The following EPB41L4B variants were observed in gnomAD, a reference collection of about 807,000 sequenced individuals.
The protein encoded by EPB41L4B is erythrocyte membrane protein band 4.1 like 4B, also known as band 4.1-like protein 4B.
A neutral mutation model predicts 112.5 loss-of-function variants in EPB41L4B; 30 were observed. That is an observed-to-expected ratio of 0.27 (90% CI 0.20 to 0.36). The LOEUF (loss-of-function observed/expected upper bound fraction) is 0.36. Ranked by LOEUF, EPB41L4B falls within the 10% of genes least tolerant of loss-of-function variation. The pLI, the probability that EPB41L4B is intolerant of heterozygous loss-of-function variation, is 1.00. For missense variants in EPB41L4B, 1,024 were observed against 1,133.3 expected (o/e 0.90, Z 1.38); for synonymous variants, 408 against 439.7 (o/e 0.93, Z 0.90).
intron 25 of EPB41L4B, among the ~76,000 whole-genome samples, chr9:109,175,809 C>T (rs1831804509): frequency 6.6e-6 from 1 of 152,206 alleles, no homozygotes; most frequent in Non-Finnish European, 1.5e-5. Context: ...TATTGTCATT[C>T]ACTCTGCTCT....
chr9:109,179,432 G>T (rs1445963189), intron 24 of EPB41L4B, among the ~76,000 whole-genome samples: 3 of 152,204 alleles, frequency 2.0e-5, no homozygotes, highest in East Asian at 3.8e-4. Context: ...ACACACAGGG[G>T]TGAGAAAATT....
intron 1 of EPB41L4B, among the ~76,000 whole-genome samples, chr9:109,317,631 G>C (rs901181537): frequency 6.6e-6 from 1 of 152,256 alleles, no homozygotes; most frequent in South Asian, 2.1e-4. Context: ...TTAGGAGGTT[G>C]AGCAAAGGAA....
At chr9:109,181,740 T>G (rs1317015184) in intron 24 of EPB41L4B, among the ~76,000 whole-genome samples, 1 of 152,156 alleles carries the variant, frequency 6.6e-6, no homozygotes, top group Non-Finnish European at 1.5e-5. Context: ...CACACCATTA[T>G]CAAGATCCAA....
chr9:109,213,634 G>A, intron 17 of EPB41L4B, 66 bp downstream of exon 17: 2 of 1,325,444 alleles, frequency 1.5e-6, no homozygotes, highest in South Asian at 1.2e-5. Context: ...GCAGGCTAGG[G>A]TAGTAATCAG....
chr9:109,221,828 A>G (rs1421537582), intron 15 of EPB41L4B, among the ~76,000 whole-genome samples: 1 of 152,172 alleles, frequency 6.6e-6, no homozygotes, highest in Non-Finnish European at 1.5e-5. Flanking sequence ...CTGGAGGTGG[A>G]GTTGGAAAGC....
intron 5 of EPB41L4B, among the ~76,000 whole-genome samples, chr9:109,264,728 GGA>G (rs1270164753): frequency 6.6e-6 from 1 of 152,146 alleles, no homozygotes; most frequent in East Asian, 1.9e-4. Flanking sequence ...ATGTGATCAG[GGA>G]GAGAGTTATT....
chr9:109,236,872 G>C (rs1207354045), intron 15 of EPB41L4B, among the ~76,000 whole-genome samples: 2 of 152,182 alleles, frequency 1.3e-5, no homozygotes, highest in East Asian at 1.9e-4. Context: ...TGTAGCAAGA[G>C]AGTGGAAGCA....
intron 15 of EPB41L4B, among the ~76,000 whole-genome samples, chr9:109,230,832 A>C (rs1833929028): frequency 6.6e-6 from 1 of 152,172 alleles, no homozygotes; most frequent in African/African-American, 2.4e-5. Context: ...ACTAGTGAGA[A>C]GGTTGACTCT....
At chr9:109,255,421 C>CA in intron 11 of EPB41L4B, 90 bp downstream of exon 11, 1 of 1,487,402 alleles carries the variant, frequency 6.7e-7, no homozygotes. Context: ...TTTCTGGACT[C>CA]AAATCCACTA....
chr9:109,253,621 C>T (rs1220771902), intron 11 of EPB41L4B, 71 bp from the exon 12 acceptor site: 6 of 1,002,804 alleles, frequency 6.0e-6, no homozygotes, highest in Non-Finnish European at 7.9e-6. Flanking sequence ...TTTGAAAGTG[C>T]ACTTTTATTT....
rs374280583 is a variant in EPB41L4B at position 109,314,500 on chromosome 9, CG to C, written c.306+5640del. On this transcript the variant is annotated intron_variant, in intron 1 of 25. Coordinates refer to ENST00000374566, the MANE Select transcript of EPB41L4B (RefSeq NM_019114.5). ...TACCGGCACTGGAGAGGCTAGGCTG[CG>C]GCCCCTTCCCCCTGCAGGCCAACCC... 1.2e-3 allele frequency among the ~76,000 whole-genome samples: 189 copies of C among 152,226 alleles called. 1 individual carries two copies. The highest frequency in any genetic ancestry group is 4.3e-3 in the African/African-American group (177 of 41,544).
At chr9:109,302,575 G>T (rs1837011267) in intron 1 of EPB41L4B, among the ~76,000 whole-genome samples, 1 of 152,080 alleles carries the variant, frequency 6.6e-6, no homozygotes, top group Admixed American at 6.5e-5. Flanking sequence ...TGGAACTGCA[G>T]AACCTGCTCT....
chr9:109,293,620 G>A (rs1836618742), intron 1 of EPB41L4B, among the ~76,000 whole-genome samples: 1 of 151,120 alleles, frequency 6.6e-6, no homozygotes, highest in Admixed American at 6.6e-5. Context: ...CTGACCTCAG[G>A]TGATCTACCT....
chr9:109,199,556 C>A (rs1421048518), intron 20 of EPB41L4B, among the ~76,000 whole-genome samples: 1 of 152,148 alleles, frequency 6.6e-6, no homozygotes, highest in Admixed American at 6.6e-5. Context: ...GTAATCCCAA[C>A]TACTTGGGAG....
At chr9:109,312,538 A>G (rs1296039793) in intron 1 of EPB41L4B, among the ~76,000 whole-genome samples, 1 of 152,118 alleles carries the variant, frequency 6.6e-6, no homozygotes, top group African/African-American at 2.4e-5. Context: ...CTGTGCTGTC[A>G]GAGACCTTCC....
At chr9:109,243,302 A>G (rs1178457635) in intron 15 of EPB41L4B, among the ~76,000 whole-genome samples, 1 of 151,960 alleles carries the variant, frequency 6.6e-6, no homozygotes, top group African/African-American at 2.4e-5. Context: ...AAAGTAAACA[A>G]ATTCTCAGGA....
At chr9:109,211,379 G>T (rs1203062130) in intron 17 of EPB41L4B, among the ~76,000 whole-genome samples, 1 of 152,030 alleles carries the variant, frequency 6.6e-6, no homozygotes, top group Admixed American at 6.6e-5. Flanking sequence ...TGGATCACTT[G>T]AGGCCAGGAG....
At chr9:109,193,076 C>G (rs754893389) in intron 21 of EPB41L4B, among the ~76,000 whole-genome samples, 3 of 152,178 alleles carry the variant, frequency 2.0e-5, no homozygotes, top group Non-Finnish European at 4.4e-5. Context: ...ACACCTGAGA[C>G]AAAGTTGTAC....
At chr9:109,317,170 G>A (rs1481993680) in intron 1 of EPB41L4B, among the ~76,000 whole-genome samples, 1 of 152,086 alleles carries the variant, frequency 6.6e-6, no homozygotes, top group Non-Finnish European at 1.5e-5. Flanking sequence ...CCAGAGAAGG[G>A]GGCTCCAAGC....
Sources: gnomAD v4.1 joint callset for allele counts (sites outside exome capture counted in the v4.1 genomes callset) on GRCh38, gnomAD v4.1.1 for gene constraint, MANE v1.5 for transcripts, NCBI Gene and HGNC (gene_info 2026-07-23, HGNC 2026-07-21) for gene names.